The following DNAJC1 variants were observed in gnomAD, a reference collection of about 807,000 sequenced individuals.
DNAJC1 encodes the protein DnaJ heat shock protein family (Hsp40) member C1.
DNAJC1 carries 58 observed loss-of-function variants against 76.6 expected under a neutral mutation model. That is an observed-to-expected ratio of 0.76 (90% CI 0.61 to 0.94). DNAJC1 has a LOEUF of 0.94. DNAJC1 is among the 40% of genes least tolerant of loss of function. The pLI is 0.00. For missense variants in DNAJC1, 689 were observed against 677.3 expected (o/e 1.02, Z -0.19); for synonymous variants, 258 against 267.9 (o/e 0.96, Z 0.36).
At chr10:21,887,411 A>G (rs981966018) in intron 7 of DNAJC1, among the ~76,000 whole-genome samples, 2 of 152,202 alleles carry the variant, frequency 1.3e-5, no homozygotes, top group African/African-American at 4.8e-5. Flanking sequence ...ATGAAATGAA[A>G]AAGAGCCTGA....
intron 1 of DNAJC1, among the ~76,000 whole-genome samples, chr10:22,001,206 C>T (rs1404670092): frequency 1.3e-5 from 2 of 152,164 alleles, no homozygotes; most frequent in Non-Finnish European, 2.9e-5. Flanking sequence ...CTTTCAGCAG[C>T]CTACCTACTT....
At chr10:21,819,401 C>CA (rs34634457) in intron 8 of DNAJC1, among the ~76,000 whole-genome samples, 13 of 140,638 alleles carry the variant, frequency 9.2e-5, no homozygotes, top group African/African-American at 1.3e-4. Context: ...AACTCCGTCT[C>CA]AAAAAAAAAA....
intron 8 of DNAJC1, among the ~76,000 whole-genome samples, chr10:21,822,467 AATAAAATAAAT>A (rs1835176301): frequency 6.6e-6 from 1 of 151,076 alleles, no homozygotes; most frequent in African/African-American, 2.4e-5. Flanking sequence ...ATAAATGAAT[AATAAAATAAAT>A]AAATAAATAA....
intron 7 of DNAJC1, among the ~76,000 whole-genome samples, chr10:21,889,644 G>C (rs893886265): frequency 6.6e-6 from 1 of 152,158 alleles, no homozygotes; most frequent in Non-Finnish European, 1.5e-5. Flanking sequence ...TCAGTTCTAC[G>C]AGTTTTCTTT....
At chr10:21,859,635 G>A (rs1008788128) in intron 8 of DNAJC1, among the ~76,000 whole-genome samples, 3 of 151,928 alleles carry the variant, frequency 2.0e-5, no homozygotes, top group Non-Finnish European at 4.4e-5. Context: ...CATAGACAGA[G>A]GGGTTATACA....
intron 1 of DNAJC1, among the ~76,000 whole-genome samples, chr10:21,976,755 C>G (rs181942991): frequency 6.6e-6 from 1 of 152,056 alleles, no homozygotes; most frequent in African/African-American, 2.4e-5. Flanking sequence ...AAAACGCAAA[C>G]GAGCTAGAGA....
chr10:21,831,132 C>T (rs1174952670), intron 8 of DNAJC1, among the ~76,000 whole-genome samples: 1 of 152,032 alleles, frequency 6.6e-6, no homozygotes, highest in Non-Finnish European at 1.5e-5. Context: ...TTTGTTTTTC[C>T]TTCTGTGACA....
chr10:21,844,419 C>T (rs74406287), intron 8 of DNAJC1, among the ~76,000 whole-genome samples: 7,193 of 152,076 alleles, frequency 0.047, 310 homozygotes, highest in African/African-American at 0.11. Context: ...ATCTTACTGT[C>T]ATTGGACAGT....
intron 11 of DNAJC1, 118 bp from the exon 12 acceptor site, chr10:21,756,873 A>G: frequency 1.1e-6 from 1 of 914,002 alleles, no homozygotes; most frequent in Non-Finnish European, 1.7e-6. Flanking sequence ...CCCTCTGCCC[A>G]GAGTTCCCGG....
At chr10:21,802,893 C>T (rs1834829049) in intron 9 of DNAJC1, among the ~76,000 whole-genome samples, 1 of 152,036 alleles carries the variant, frequency 6.6e-6, no homozygotes, top group South Asian at 2.1e-4. Flanking sequence ...ATTTGAGTGT[C>T]CTTTGTGATT....
At chr10:21,973,997 G>A (rs1377614598) in intron 1 of DNAJC1, among the ~76,000 whole-genome samples, 1 of 151,586 alleles carries the variant, frequency 6.6e-6, no homozygotes. Context: ...AGCTACTTGG[G>A]AGGCTGAGGC....
intron 1 of DNAJC1, among the ~76,000 whole-genome samples, chr10:21,942,643 A>G (rs1245450729): frequency 2.0e-5 from 3 of 151,950 alleles, no homozygotes; most frequent in Non-Finnish European, 4.4e-5. Context: ...CGTCTCTACT[A>G]AAAACACAAA....
At chr10:21,803,751 G>T in intron 9 of DNAJC1, 1 of 776,146 alleles carries the variant, frequency 1.3e-6, no homozygotes, top group Non-Finnish European at 1.6e-6. Flanking sequence ...TATATATATT[G>T]ACATAGAAGA....
At chr10:21,960,327 T>TA (rs1368721101) in intron 1 of DNAJC1, among the ~76,000 whole-genome samples, 3 of 152,100 alleles carry the variant, frequency 2.0e-5, no homozygotes, top group Non-Finnish European at 1.5e-5. Flanking sequence ...GTACACCATT[T>TA]AAAAAATCAA....
chr10:21,856,375 T>C (rs1835832592), intron 8 of DNAJC1, among the ~76,000 whole-genome samples: 2 of 152,332 alleles, frequency 1.3e-5, no homozygotes, highest in East Asian at 3.9e-4. Context: ...TGTGTATGTC[T>C]TTGAGGATAT....
chr10:21,992,327 T>A (rs1838339116), intron 1 of DNAJC1, among the ~76,000 whole-genome samples: 1 of 152,040 alleles, frequency 6.6e-6, no homozygotes. Flanking sequence ...TAATAGTAAT[T>A]TTTGAAAATG....
chr10:21,920,598 C>A, intron 4 of DNAJC1, 200 bp downstream of exon 4: 3 of 428,438 alleles, frequency 7.0e-6, no homozygotes, highest in Non-Finnish European at 7.6e-6. Flanking sequence ...AACTTAAGTG[C>A]CACATTTTTT....
In DNAJC1 at chr10:21,756,615, T is replaced by C. The variant is rs553441874; in HGVS notation, c.*72A>G. ...GACGTAGAAATATTGAGGTACAAAA[T>C]GCAAATTTCTGCATAAGATTTTTAA... On this transcript the variant is annotated 3_prime_UTR_variant, in exon 12 of 12. Transcript: ENST00000376980. 1 of 1,180,454 alleles carries C rather than the reference T, an allele frequency of 8.5e-7. No individual in the cohort carries two copies. The highest frequency in any genetic ancestry group is 1.2e-5 in the South Asian group (1 of 80,474). The allele number at this position is 1,180,454 out of a possible 1,614,324, so 73.1% of individuals were successfully genotyped here.
chr10:21,893,585 C>CCACTTT (rs1836490687), intron 7 of DNAJC1, among the ~76,000 whole-genome samples: 2 of 151,842 alleles, frequency 1.3e-5, no homozygotes, highest in Non-Finnish European at 1.5e-5. Flanking sequence ...CGAGATCACA[C>CCACTTT]CACTGCACTT....
Sources: allele counts gnomAD v4.1 joint callset (sites outside exome capture counted in the v4.1 genomes callset), GRCh38; gene constraint gnomAD v4.1.1; transcripts MANE v1.5; gene names NCBI Gene and HGNC (gene_info 2026-07-23, HGNC 2026-07-21).